Variants in ZBBX observed in about 807,000 individuals in gnomAD.
The protein encoded by ZBBX is zinc finger B-box domain containing.
ZBBX carries 101 observed loss-of-function variants against 108.5 expected under a neutral mutation model. That is an observed-to-expected ratio of 0.93 (90% CI 0.79 to 1.10). The LOEUF (loss-of-function observed/expected upper bound fraction) is 1.10, where lower values mean the gene tolerates loss of function less well. Ranked by LOEUF, ZBBX falls within the 50% of genes least tolerant of loss-of-function variation. ZBBX has a pLI of 0.00. For synonymous variants in ZBBX, 356 were observed against 323.4 expected (o/e 1.10, Z -1.08); for missense variants, 1,009 against 941.4 (o/e 1.07, Z -0.94).
At chr3:167,279,533 C>T (rs1209422702) in intron 20 of ZBBX, among the ~76,000 whole-genome samples, 3 of 149,402 alleles carry the variant, frequency 2.0e-5, no homozygotes, top group Non-Finnish European at 4.5e-5. Flanking sequence ...AGGAATCAAA[C>T]TTACAAGGGA....
rs555567882 is a variant in ZBBX at position 167,400,190 on chromosome 3, A to C, written c.-446+7536T>G. 1.4e-4 allele frequency among the ~76,000 whole-genome samples: 21 copies of C among 152,184 alleles called. 1 individual carries two copies. In the South Asian group the frequency reaches 3.1e-3, roughly 23 times the overall value. ...TACACGTGCATGTGTCTTTTTGGTA[A>C]AATGATTTGTTTTCCTTTGGGTATA... On this transcript the variant is annotated intron_variant, in intron 1 of 21. Coordinates refer to the ZBBX transcript ENST00000455345.
At chr3:167,377,673 A>AAT (rs1161783595) in intron 2 of ZBBX, among the ~76,000 whole-genome samples, 5 of 151,566 alleles carry the variant, frequency 3.3e-5, no homozygotes, top group Non-Finnish European at 5.9e-5. Flanking sequence ...CCTTATTTTA[A>AAT]ATATATATAT....
intron 19 of ZBBX, among the ~76,000 whole-genome samples, chr3:167,284,290 A>G (rs1729337532): frequency 6.6e-6 from 1 of 151,924 alleles, no homozygotes; most frequent in African/African-American, 2.4e-5. Context: ...CCATATTTAT[A>G]GCAATCAAGA....
chr3:167,301,806 C>T (rs1194284779), intron 17 of ZBBX, among the ~76,000 whole-genome samples: 1 of 151,596 alleles, frequency 6.6e-6, no homozygotes, highest in Non-Finnish European at 1.5e-5. Context: ...AAATACAAAA[C>T]GTTAGCCAGG....
At position 167,359,891 on chromosome 3, in the gene ZBBX, A is replaced by T; in HGVS notation, c.411T>A (p.Cys137Ter). 1 of 1,551,156 alleles carries T rather than the reference A, an allele frequency of 6.4e-7. No homozygotes were observed. Among genetic ancestry groups the T allele is most frequent in the Non-Finnish European group, 8.8e-7 (1 of 1,140,956 alleles). The change falls in exon 8 of 22, where the codon TGT (cysteine) becomes TGA (stop). Residue 137 changes from cysteine to a stop codon, truncating the protein, a stop_gained. Transcript: ENST00000675490. LOFTEE classifies it high-confidence loss of function. ...PKINGKVCGQ[C>*]ENKAALLVCL... ...ATACCAGTAGAGCAGCTTTGTTCTC[A>T]CACTGTCCACATACTTTCCCATTTA...
intron 1 of ZBBX, among the ~76,000 whole-genome samples, chr3:167,390,498 AGTT>A (rs1316115315): frequency 1.3e-5 from 2 of 151,468 alleles, no homozygotes; most frequent in African/African-American, 2.4e-5. Context: ...AATTTAAAGT[AGTT>A]GTTTTTTTTT....
At chr3:167,343,942 T>C (rs1345509600) in intron 9 of ZBBX, among the ~76,000 whole-genome samples, 3 of 151,938 alleles carry the variant, frequency 2.0e-5, no homozygotes, top group Non-Finnish European at 2.9e-5. Context: ...GCATTACTTA[T>C]AATAGCCAAA....
At chr3:167,221,726 GC>G in the ZBBX span, among the ~76,000 whole-genome samples, 1 of 151,398 alleles carries the variant, frequency 6.6e-6, no homozygotes, top group Non-Finnish European at 1.5e-5. Flanking sequence ...AAAGTAAAAA[GC>G]CAACCTAAAA....
the ZBBX span, among the ~76,000 whole-genome samples, chr3:167,227,575 A>T: frequency 6.6e-6 from 1 of 151,702 alleles, no homozygotes; most frequent in Non-Finnish European, 1.5e-5. Context: ...TCATAAAAAA[A>T]ATTTTGAAAC....
chr3:167,262,887 T>G (rs1724798238), intron 20 of ZBBX, among the ~76,000 whole-genome samples: 1 of 152,202 alleles, frequency 6.6e-6, no homozygotes, highest in Non-Finnish European at 1.5e-5. Context: ...TTTGTCAATT[T>G]TCTTTATCTT....
At chr3:167,407,132 TC>T (rs67715531) in intron 1 of ZBBX, among the ~76,000 whole-genome samples, 26,018 of 152,076 alleles carry the variant, frequency 0.17, 2,576 homozygotes, top group East Asian at 0.29. Flanking sequence ...CCAGGCTGCA[TC>T]CAGCATTTCA....
rs191296214 is a variant in ZBBX, at chr3:167,350,360, G to A, written c.528+60C>T. Reference sequence around the variant, plus strand: ...CTAGATAACTAAAGACATTTTAAATGTCTTTATGTGGAAACATTTTATAAA... The same window carrying A: ...CTAGATAACTAAAGACATTTTAAATATCTTTATGTGGAAACATTTTATAAA... On this transcript the variant is annotated intron_variant, in intron 9 of 21. Transcript: ENST00000675490. 1.4e-4 allele frequency: 192 copies of A among 1,326,090 alleles called. 2 individuals carry two copies. The African/African-American group carries it at 2.6e-3, about 18-fold the overall frequency. 82.1% of individuals were successfully genotyped at this position (1,326,090 alleles called of 1,614,324 possible). A position where few individuals can be genotyped will look rare whatever the true frequency, so the allele number is the denominator to read the frequency against.
chr3:167,346,266 G>T lies in ZBBX; in HGVS notation c.528+4154C>A, dbSNP rs536374665. On this transcript the variant is annotated intron_variant, in intron 9 of 21. Transcript: ENST00000675490. ...TTTTCAGTTAATTAAATATTTAACA[G>T]AGGTTGGAAAAGGCAAAGAAACTTG... 2.6e-5 allele frequency among the ~76,000 whole-genome samples: 4 copies of T among 151,986 alleles called. No homozygotes were observed. The East Asian group carries it at 7.7e-4, about 29-fold the overall frequency.
chr3:167,223,550 G>C, the ZBBX span, among the ~76,000 whole-genome samples: 5 of 151,884 alleles, frequency 3.3e-5, no homozygotes, highest in Admixed American at 3.3e-4. Flanking sequence ...CTGGACCTCA[G>C]GTTTCCTTTA....
chr3:167,355,299 T>C (rs1743362272), intron 8 of ZBBX, among the ~76,000 whole-genome samples: 1 of 152,024 alleles, frequency 6.6e-6, no homozygotes, highest in Non-Finnish European at 1.5e-5. Context: ...CTGGACACAA[T>C]GCTAAATATT....
chr3:167,317,791 A>C (rs989847226), intron 12 of ZBBX, among the ~76,000 whole-genome samples, 194 bp from the exon 13 acceptor site: 1 of 152,032 alleles, frequency 6.6e-6, no homozygotes, highest in Non-Finnish European at 1.5e-5. Context: ...TGTGTAAATC[A>C]ACTTGACATC....
intron 21 of ZBBX, among the ~76,000 whole-genome samples, chr3:167,242,183 G>C (rs1720787849): frequency 6.6e-6 from 1 of 151,990 alleles, no homozygotes; most frequent in Non-Finnish European, 1.5e-5. Context: ...ACATTTATTA[G>C]GTTAATTAAT....
At chr3:167,195,872 A>G in the ZBBX span, among the ~76,000 whole-genome samples, 10 of 152,228 alleles carry the variant, frequency 6.6e-5, no homozygotes, top group African/African-American at 9.6e-5. Flanking sequence ...CCAAGTCTTC[A>G]CTTAATGTTG....
intron 1 of ZBBX, among the ~76,000 whole-genome samples, chr3:167,404,890 A>T (rs1748535650): frequency 6.6e-6 from 1 of 152,230 alleles, no homozygotes; most frequent in African/African-American, 2.4e-5. Flanking sequence ...AAACAAGATG[A>T]TGGCCTTAAT....
Sources: gnomAD v4.1 joint callset for allele counts (sites outside exome capture counted in the v4.1 genomes callset) on GRCh38, gnomAD v4.1.1 for gene constraint, MANE v1.5 for transcripts, NCBI Gene and HGNC (gene_info 2026-07-23, HGNC 2026-07-21) for gene names.